Variants in GPHN observed in about 807,000 individuals in gnomAD.
GPHN encodes gephyrin.
In GPHN, 17 loss-of-function variants were observed where a neutral mutation model predicts 95.5. The observed-to-expected ratio is 0.18, with a 90% CI of 0.12 to 0.27. GPHN has a LOEUF of 0.27. Among genes scored for constraint, GPHN ranks in the 10% least tolerant of loss-of-function variants. The pLI is 1.00. For synonymous variants in GPHN, 320 were observed against 322.5 expected, an observed-to-expected ratio of 0.99 and a Z score of 0.08; for missense variants, 660 against 978.1, an observed-to-expected ratio of 0.67 and a Z score of 4.34.
intron 18 of GPHN, among the ~76,000 whole-genome samples, chr14:67,149,535 G>A (rs1370406085): frequency 6.6e-6 from 1 of 151,990 alleles, no homozygotes; most frequent in Non-Finnish European, 1.5e-5. Context: ...ATGTGAAGGG[G>A]TCTTGAGACC....
chr14:66,974,133 A>C (rs2070031163), intron 9 of GPHN, among the ~76,000 whole-genome samples: 1 of 152,204 alleles, frequency 6.6e-6, no homozygotes, highest in African/African-American at 2.4e-5. Context: ...TTGTTAGCGA[A>C]GCAGAATTTT....
At chr14:67,219,651 A>G in the GPHN span, among the ~76,000 whole-genome samples, 1 of 152,210 alleles carries the variant, frequency 6.6e-6, no homozygotes, top group African/African-American at 2.4e-5. Flanking sequence ...TATTATGATC[A>G]TTATTAGAAA....
chr14:66,902,330 A>G (rs1172025648), intron 5 of GPHN, among the ~76,000 whole-genome samples: 2 of 151,948 alleles, frequency 1.3e-5, no homozygotes, highest in Non-Finnish European at 2.9e-5. Flanking sequence ...GTCTACTTTC[A>G]CTTCTTCTCT....
chr14:67,570,588 A>G, the GPHN span: 3 of 153,266 alleles, frequency 2.0e-5, no homozygotes, highest in East Asian at 5.8e-4. Context: ...AGGCCTTCCG[A>G]TGCATTTATA....
intron 9 of GPHN, chr14:66,985,832 A>G: frequency 1.7e-6 from 1 of 602,870 alleles, no homozygotes; most frequent in Non-Finnish European, 2.8e-6. Flanking sequence ...GGCTTTTTCC[A>G]TTTTTCACCA....
intron 11 of GPHN, among the ~76,000 whole-genome samples, chr14:67,067,922 C>T (rs759638212): frequency 4.7e-4 from 71 of 152,320 alleles, no homozygotes; most frequent in Middle Eastern, 3.4e-3. Flanking sequence ...GGTGAGGTGA[C>T]GCCCCGCCCT....
At chr14:67,200,794 G>A in the GPHN span, among the ~76,000 whole-genome samples, 3 of 152,114 alleles carry the variant, frequency 2.0e-5, no homozygotes, top group Non-Finnish European at 4.4e-5. Context: ...ATCCTGTGCT[G>A]TTTCCAAGTT....
At chr14:66,593,204 A>G (rs543450889) in intron 1 of GPHN, among the ~76,000 whole-genome samples, 1 of 152,018 alleles carries the variant, frequency 6.6e-6, no homozygotes, top group African/African-American at 2.4e-5. Flanking sequence ...TGTAGATGAC[A>G]GGTTGATGGG....
At chr14:66,987,250 A>T (rs560641464) in intron 9 of GPHN, among the ~76,000 whole-genome samples, 1 of 152,216 alleles carries the variant, frequency 6.6e-6, no homozygotes, top group African/African-American at 2.4e-5. Context: ...TAAACTATGG[A>T]TTATGACTCA....
chr14:66,742,239 A>T (rs2072855449), intron 2 of GPHN, among the ~76,000 whole-genome samples: 1 of 152,198 alleles, frequency 6.6e-6, no homozygotes, highest in African/African-American at 2.4e-5. Flanking sequence ...AATATAATAA[A>T]TACCTCACTT....
At chr14:66,521,875 G>A (rs551756489) in intron 1 of GPHN, among the ~76,000 whole-genome samples, 1 of 152,272 alleles carries the variant, frequency 6.6e-6, no homozygotes, top group South Asian at 2.1e-4. Flanking sequence ...GTCACTAAAA[G>A]GGGAAAAGTG....
chr14:66,715,293 CT>C (rs1566859045), intron 2 of GPHN, among the ~76,000 whole-genome samples: 1 of 151,980 alleles, frequency 6.6e-6, no homozygotes, highest in African/African-American at 2.4e-5. Context: ...CTTGAATGAT[CT>C]TTTATATTTC....
At position 67,110,410 on chromosome 14, in the gene GPHN, T is replaced by C; in HGVS notation, c.1413+151T>C. On this transcript the variant is annotated intron_variant, in intron 14 of 22. Transcript: ENST00000478722. ...TATGGTGGGATCTTATATTGTAGTA[T>C]ATGAGTCTCCAGTAAATAAGAAATT... 4.1e-6 allele frequency: 3 copies of C among 731,540 alleles called. No homozygotes were observed. The South Asian group carries it at 4.5e-5, about 11-fold the overall frequency. The allele number at this position is 731,540 out of a possible 1,614,324, so 45.3% of individuals were successfully genotyped here. A position where few individuals can be genotyped will look rare whatever the true frequency, so the allele number is the denominator to read the frequency against.
intron 2 of GPHN, among the ~76,000 whole-genome samples, chr14:66,707,456 A>G (rs1483216062): frequency 1.3e-5 from 2 of 152,240 alleles, no homozygotes; most frequent in Non-Finnish European, 1.5e-5. Flanking sequence ...AATGTGGTAC[A>G]TATGCACCAT....
chr14:67,069,062 G>T (rs1425331504), intron 11 of GPHN, among the ~76,000 whole-genome samples: 3 of 152,068 alleles, frequency 2.0e-5, no homozygotes, highest in African/African-American at 7.2e-5. Context: ...ACACTCTTTG[G>T]CTCTTTTACT....
chr14:67,587,600 G>A, the GPHN span: 2 of 291,170 alleles, frequency 6.9e-6, no homozygotes, highest in Admixed American at 9.9e-5. Context: ...TCTTTCTGGG[G>A]GGGGCGGGGG....
chr14:66,810,241 T>A (rs2153481929), intron 3 of GPHN, among the ~76,000 whole-genome samples: 1 of 152,010 alleles, frequency 6.6e-6, no homozygotes, highest in African/African-American at 2.4e-5. Flanking sequence ...GTACCAGTAT[T>A]TCTTTACTAC....
chr14:66,990,765 C>A (rs2071359791), intron 9 of GPHN, among the ~76,000 whole-genome samples: 1 of 151,592 alleles, frequency 6.6e-6, no homozygotes, highest in South Asian at 2.1e-4. Context: ...TTAAAAAATT[C>A]AATTAAATAT....
chr14:66,685,667 A>G lies in GPHN; in HGVS notation c.143+4482A>G, dbSNP rs1046954343. Among the ~76,000 whole-genome samples, 544 of 152,068 alleles carry G rather than the reference A, an allele frequency of 3.6e-3. 9 individuals carry two copies. The highest frequency in any genetic ancestry group is 0.012 in the African/African-American group (518 of 41,446). ...TATTAGCCCTTTGTCAGATGAGTAG[A>G]TTGCAAAAATTTTCTCCCATTCTGT... On this transcript the variant is annotated intron_variant, in intron 2 of 22. Transcript: ENST00000478722.
Sources: gnomAD v4.1 joint callset for allele counts (sites outside exome capture counted in the v4.1 genomes callset) on GRCh38, gnomAD v4.1.1 for gene constraint, MANE v1.5 for transcripts, NCBI Gene and HGNC (gene_info 2026-07-23, HGNC 2026-07-21) for gene names.